TMEM266: variants seen among roughly 807,000 people sequenced by gnomAD.
TMEM266 encodes transmembrane protein 266.
In TMEM266, 33 loss-of-function variants were observed where a neutral mutation model predicts 50.5. That is an observed-to-expected ratio of 0.65 (90% CI 0.50 to 0.87). TMEM266 has a LOEUF of 0.87. Among genes scored for constraint, TMEM266 ranks in the 40% least tolerant of loss-of-function variants. TMEM266 has a pLI of 0.00. For missense variants in TMEM266, 655 were observed against 695.1 expected, an observed-to-expected ratio of 0.94 and a Z score of 0.65; for synonymous variants, 310 against 292.3, an observed-to-expected ratio of 1.06 and a Z score of -0.62.
intron 9 of TMEM266, 80 bp downstream of exon 9, chr15:76,192,237 G>T: frequency 7.8e-7 from 1 of 1,283,582 alleles, no homozygotes; most frequent in Non-Finnish European, 1.0e-6. Context: ...CCGGGACTGT[G>T]CGCAGAGTGG....
In TMEM266 at chr15:76,204,065, A is replaced by G; in HGVS notation, c.1346A>G (p.Glu449Gly). 1 of 1,612,178 alleles carries G rather than the reference A, an allele frequency of 6.2e-7. No homozygotes were observed. Among genetic ancestry groups the G allele is most frequent in the Non-Finnish European group, 8.5e-7 (1 of 1,179,170 alleles). ...CAGGACCTGCTGTCCTCCCTGTCGG[A>G]GGACCCCTGCCCTTCCCAGAAGGCC... The change falls in exon 11 of 11, where the codon GAG (glutamate) becomes GGG (glycine). Residue 449 changes from glutamate to glycine, a missense_variant. By Grantham distance (98) the Glu-to-Gly change is moderately conservative. Transcript: ENST00000388942.
intron 1 of TMEM266, among the ~76,000 whole-genome samples, chr15:76,075,520 A>G (rs1392887815): frequency 6.6e-6 from 1 of 152,176 alleles, no homozygotes; most frequent in Non-Finnish European, 1.5e-5. Context: ...TTCAGACACC[A>G]GGGTCTGTGT....
At chr15:76,164,822 C>T (rs1001270530) in intron 5 of TMEM266, among the ~76,000 whole-genome samples, 1 of 152,084 alleles carries the variant, frequency 6.6e-6, no homozygotes, top group Non-Finnish European at 1.5e-5. Flanking sequence ...GGGCTAGACA[C>T]GGCTGCTCCC....
intron 8 of TMEM266, among the ~76,000 whole-genome samples, chr15:76,176,913 G>A (rs1291346828): frequency 1.3e-5 from 2 of 152,204 alleles, no homozygotes; most frequent in East Asian, 1.9e-4. Flanking sequence ...TGTGTCTGGT[G>A]CATAAACACC....
intron 1 of TMEM266, among the ~76,000 whole-genome samples, chr15:76,078,434 C>T (rs2036637069): frequency 6.6e-6 from 1 of 152,180 alleles, no homozygotes; most frequent in Admixed American, 6.5e-5. Context: ...CACGACTTAG[C>T]TAATCATGCT....
intron 9 of TMEM266, among the ~76,000 whole-genome samples, chr15:76,192,549 GC>G (rs1269570874): frequency 6.6e-6 from 1 of 152,158 alleles, no homozygotes; most frequent in Non-Finnish European, 1.5e-5. Context: ...GCAGAGCCAG[GC>G]TTCCAGACAG....
intron 5 of TMEM266, among the ~76,000 whole-genome samples, chr15:76,163,964 C>T (rs935157339): frequency 3.9e-5 from 6 of 152,224 alleles, no homozygotes; most frequent in Admixed American, 3.9e-4. Flanking sequence ...CGGTGATGTG[C>T]AGCCGTCACT....
At chr15:76,104,911 A>G (rs1309403289) in intron 1 of TMEM266, among the ~76,000 whole-genome samples, 3 of 151,198 alleles carry the variant, frequency 2.0e-5, no homozygotes, top group South Asian at 4.2e-4. Context: ...GTACTCACCT[A>G]TGCAATCTTT....
intron 9 of TMEM266, among the ~76,000 whole-genome samples, chr15:76,194,090 G>A (rs1314988574): frequency 6.6e-6 from 1 of 152,042 alleles, no homozygotes; most frequent in Non-Finnish European, 1.5e-5. Flanking sequence ...GGGACCACTT[G>A]GCTGAGCTCA....
At position 76,153,346 on chromosome 15, in the gene TMEM266, C is replaced by A. The variant is rs1430106340; in HGVS notation, c.228-3258C>A. The stretch of plus-strand genomic sequence containing the variant: ...AGCAGTGTCTTAGGGATGTCCAAGG[C>A]ACGAAGGTGAACAAATGCCCGGCAC... On this transcript the variant is annotated intron_variant, in intron 3 of 10. Coordinates refer to ENST00000388942, the MANE Select transcript of TMEM266 (RefSeq NM_152335.3). This position sits in a 1 kb window ranked among gnomAD's most constrained non-coding sequence, Gnocchi z 4.2. Among the ~76,000 whole-genome samples the A allele has an allele frequency of 1.3e-5, 2 of 152,152 alleles. No individual in the cohort carries two copies. The highest frequency in any genetic ancestry group is 4.8e-5 in the African/African-American group (2 of 41,420).
At chr15:76,134,889 C>T (rs925082432) in intron 2 of TMEM266, among the ~76,000 whole-genome samples, 3 of 152,232 alleles carry the variant, frequency 2.0e-5, no homozygotes, top group African/African-American at 7.2e-5. Flanking sequence ...CTAGACAGCT[C>T]CTCTGATCTT....
At chr15:76,162,196 T>C (rs2038028284) in intron 5 of TMEM266, among the ~76,000 whole-genome samples, 2 of 152,046 alleles carry the variant, frequency 1.3e-5, no homozygotes, top group Non-Finnish European at 2.9e-5. Flanking sequence ...ACCTTGACCT[T>C]GTCAAAGATG....
At chr15:76,140,688 T>C (rs535111880) in intron 3 of TMEM266, among the ~76,000 whole-genome samples, 1 of 151,950 alleles carries the variant, frequency 6.6e-6, no homozygotes, top group South Asian at 2.1e-4. Context: ...CTAAACCTTC[T>C]CAAAGGCAGC....
At chr15:76,165,926 C>T (rs1347706790) in intron 5 of TMEM266, among the ~76,000 whole-genome samples, 1 of 152,156 alleles carries the variant, frequency 6.6e-6, no homozygotes, top group African/African-American at 2.4e-5. Context: ...CCTGCGGTTC[C>T]GTCGGGTGCT....
At chr15:76,091,258 A>G (rs932383481) in intron 1 of TMEM266, among the ~76,000 whole-genome samples, 5 of 152,194 alleles carry the variant, frequency 3.3e-5, no homozygotes, top group Non-Finnish European at 5.9e-5. Flanking sequence ...ACTGAAAAAA[A>G]TTACTTGAGG....
Position 76,191,998 on chromosome 15 carries a change from G to T in TMEM266, c.799G>T (p.Ala267Ser). 1 of 1,583,842 alleles carries T rather than the reference G, an allele frequency of 6.3e-7. No individual in the cohort carries two copies. ...GATCCGGCAGCTGCGCGCGCACCTG[G>T]CGCAGCAGGACCTGGACCTGGCTGC... ...HLAQQDLDLA[A>S]EREAALQAPH... The change falls in exon 9 of 11, where the codon GCG (alanine) becomes TCG (serine). Residue 267 changes from alanine to serine, a missense_variant. By Grantham distance (99) the Ala-to-Ser change is moderately conservative (BLOSUM62 1). Transcript: ENST00000388942.
chr15:76,169,825 C>G lies in TMEM266; in HGVS notation c.466C>G (p.Arg156Gly). Residue 156 changes from arginine (R) to glycine (G), a missense_variant, in exon 6 of 11, where the codon CGG becomes GGG. Transcript: ENST00000388942. ...CACTTCCTTTCCTCAGACTGTTCTACGGATTGTGGTGCTTGGGATCTGGGA... is the reference window on the plus strand; with the variant it reads ...CACTTCCTTTCCTCAGACTGTTCTAGGGATTGTGGTGCTTGGGATCTGGGA... 1.2e-6 allele frequency: 2 copies of G among 1,613,886 alleles called. No individual in the cohort carries two copies. The highest frequency in any genetic ancestry group is 1.7e-6 in the Non-Finnish European group (2 of 1,179,840).
intron 1 of TMEM266, among the ~76,000 whole-genome samples, chr15:76,088,068 C>A (rs2036798944): frequency 6.6e-6 from 1 of 152,172 alleles, no homozygotes. Context: ...CTCAAAGCAC[C>A]CTCAGCATGG....
rs185978995 is a variant in TMEM266 at position 76,064,271 on chromosome 15, G to T, written c.-97+4255G>T. On this transcript the variant is annotated intron_variant, in intron 1 of 10. Transcript: ENST00000388942. ...TTTTTTAAACATTAAATACCTGTTG[G>T]TGTCATCCCTGTTTGAGCCAGGGTC... Among the ~76,000 whole-genome samples the T allele has an allele frequency of 6.0e-3, 920 of 152,250 alleles. 14 individuals are homozygous for T. Among genetic ancestry groups the T allele is most frequent in the African/African-American group, 0.021 (876 of 41,530 alleles).
Sources: gnomAD v4.1 joint callset for allele counts (sites outside exome capture counted in the v4.1 genomes callset) on GRCh38, gnomAD v4.1.1 for gene constraint, Gnocchi (gnomAD v3.1) non-coding constraint, MANE v1.5 for transcripts, NCBI Gene and HGNC (gene_info 2026-07-23, HGNC 2026-07-21) for gene names.